KCNT2: variants seen among roughly 807,000 people sequenced by gnomAD.
The protein encoded by KCNT2 is potassium channel subfamily T member 2.
In KCNT2, 67 loss-of-function variants were observed where a neutral mutation model predicts 153.8. The observed-to-expected ratio is 0.44, with a 90% CI of 0.36 to 0.53. The LOEUF is 0.53. Ranked by LOEUF, KCNT2 falls within the 20% of genes least tolerant of loss-of-function variation. The probability of loss-of-function intolerance (pLI) is 0.00; values close to 1 mark genes in which losing one functional copy is unlikely to be tolerated. For missense variants in KCNT2, 975 were observed against 1,354.8 expected (o/e 0.72, Z 4.40); for synonymous variants, 500 against 458.8 (o/e 1.09, Z -1.15).
chr1:196,481,593 C>T (rs867597953), intron 4 of KCNT2, among the ~76,000 whole-genome samples: 3 of 152,224 alleles, frequency 2.0e-5, no homozygotes, highest in African/African-American at 7.2e-5. Context: ...TTCTATTCTT[C>T]CGATTAATTT....
chr1:196,444,864 C>T (rs1164332182), intron 8 of KCNT2, among the ~76,000 whole-genome samples: 2 of 151,230 alleles, frequency 1.3e-5, no homozygotes, highest in Non-Finnish European at 3.0e-5. Flanking sequence ...AATATATTTA[C>T]ACTAAACTAT....
rs568021216 is a variant in KCNT2, at chr1:196,475,608, C to CA, written c.384+3570dup. 2.5e-3 allele frequency among the ~76,000 whole-genome samples: 348 copies of CA among 140,782 alleles called. 3 individuals carry two copies. In the East Asian group the frequency reaches 0.027, roughly 11 times the overall value. The allele number at this position is 140,782 out of a possible 152,430, so 92.4% of individuals were successfully genotyped here. On this transcript the variant is annotated intron_variant, in intron 5 of 27. Transcript: ENST00000294725. ...GAGCAACAGAGTGAGAACCTTGTCT[C>CA]AAAAAAAAAAAATCTAACTTGAAGG...
At chr1:196,407,730 G>T (rs1468188562) in intron 12 of KCNT2, among the ~76,000 whole-genome samples, 2 of 151,414 alleles carry the variant, frequency 1.3e-5, no homozygotes, top group African/African-American at 2.4e-5. Flanking sequence ...AGTGCTCAGT[G>T]ATTGTTTGCT....
chr1:196,437,847 G>T (rs1210684348), intron 8 of KCNT2, among the ~76,000 whole-genome samples: 1 of 151,374 alleles, frequency 6.6e-6, no homozygotes, highest in Non-Finnish European at 1.5e-5. Flanking sequence ...GCCAAGCATT[G>T]TACTGGATGT....
chr1:196,565,691 T>G (rs550813466), intron 1 of KCNT2, among the ~76,000 whole-genome samples: 27 of 151,318 alleles, frequency 1.8e-4, no homozygotes, highest in Admixed American at 1.8e-3. Context: ...CTAGAGGACA[T>G]GATGTTAAGT....
chr1:196,377,821 A>G (rs1669103783), intron 13 of KCNT2, among the ~76,000 whole-genome samples: 1 of 152,124 alleles, frequency 6.6e-6, no homozygotes, highest in African/African-American at 2.4e-5. Flanking sequence ...AGAGGCCTCT[A>G]ATTTAGACTT....
rs1017923926 is a variant in KCNT2 at position 196,450,568 on chromosome 1, C to CT, written c.638+14724dup. ...CCAGATTACAAACCTCAAAGTTATT[C>CT]TTTTTTTTGTCCTCACACCTTATAT... On this transcript the variant is annotated intron_variant, in intron 8 of 27. Transcript: ENST00000294725. Among the ~76,000 whole-genome samples, 7 of 151,704 alleles carry CT rather than the reference C, an allele frequency of 4.6e-5. No homozygotes were observed. In the East Asian group the frequency reaches 1.2e-3, roughly 25 times the overall value.
chr1:196,334,507 A>T (rs1664815756), intron 16 of KCNT2, among the ~76,000 whole-genome samples: 2 of 28,832 alleles, frequency 6.9e-5, no homozygotes, highest in African/African-American at 1.6e-4. Flanking sequence ...TTTAAGACAG[A>T]GTCTCGCTCC....
intron 1 of KCNT2, among the ~76,000 whole-genome samples, chr1:196,525,976 T>C (rs1405233282): frequency 1.3e-5 from 2 of 151,970 alleles, no homozygotes; most frequent in Admixed American, 1.3e-4. Flanking sequence ...TGATGGCAAC[T>C]TTATAGAACA....
At chr1:196,566,567 A>C (rs1395194863) in intron 1 of KCNT2, among the ~76,000 whole-genome samples, 1 of 152,098 alleles carries the variant, frequency 6.6e-6, no homozygotes, top group Non-Finnish European at 1.5e-5. Flanking sequence ...GTGAAGTAGT[A>C]AAAGGTAGAT....
chr1:196,489,444 T>G (rs915220650), intron 3 of KCNT2, among the ~76,000 whole-genome samples: 2 of 151,872 alleles, frequency 1.3e-5, no homozygotes, highest in East Asian at 3.9e-4. Context: ...AAGAAAACTA[T>G]TAAGGGAGTC....
At chr1:196,497,543 C>T (rs1680353740) in intron 1 of KCNT2, among the ~76,000 whole-genome samples, 2 of 152,116 alleles carry the variant, frequency 1.3e-5, no homozygotes, top group South Asian at 4.1e-4. Flanking sequence ...ATATGAGGCA[C>T]TTGAGCATTG....
intron 1 of KCNT2, among the ~76,000 whole-genome samples, chr1:196,519,073 C>A (rs1397689531): frequency 1.3e-5 from 2 of 151,902 alleles, no homozygotes; most frequent in African/African-American, 2.4e-5. Context: ...CCAAAAGAAC[C>A]AAAATCATAC....
intron 14 of KCNT2, among the ~76,000 whole-genome samples, chr1:196,352,408 T>A (rs1666794409): frequency 6.6e-6 from 1 of 152,006 alleles, no homozygotes; most frequent in Non-Finnish European, 1.5e-5. Flanking sequence ...ATTCAGAGAT[T>A]CAACTTCTTC....
chr1:196,333,618 C>T (rs915486921), intron 17 of KCNT2, among the ~76,000 whole-genome samples: 1 of 151,858 alleles, frequency 6.6e-6, no homozygotes, highest in Non-Finnish European at 1.5e-5. Flanking sequence ...CAAAATGAGA[C>T]TGGAAATATA....
chr1:196,484,797 G>A (rs563587534), intron 3 of KCNT2, among the ~76,000 whole-genome samples: 29 of 152,062 alleles, frequency 1.9e-4, no homozygotes, highest in Admixed American at 8.5e-4. Flanking sequence ...TTTTTAAAAA[G>A]TCAAGAAACA....
At chr1:196,297,748 C>G (rs2147946575) in intron 22 of KCNT2, among the ~76,000 whole-genome samples, 1 of 152,182 alleles carries the variant, frequency 6.6e-6, no homozygotes, top group Admixed American at 6.5e-5. Context: ...CAGGTAGCAC[C>G]AAACTCCCAC....
intron 19 of KCNT2, among the ~76,000 whole-genome samples, chr1:196,325,395 G>A (rs1663743696): frequency 6.6e-6 from 1 of 152,080 alleles, no homozygotes; most frequent in Non-Finnish European, 1.5e-5. Context: ...CACTTTCAGG[G>A]CAATGTACTC....
intron 8 of KCNT2, among the ~76,000 whole-genome samples, chr1:196,438,469 C>T (rs924824935): frequency 5.9e-5 from 9 of 151,558 alleles, no homozygotes; most frequent in African/African-American, 1.7e-4. Flanking sequence ...GAAATATGGG[C>T]GATCATAGAA....
Sources: allele counts gnomAD v4.1 joint callset (sites outside exome capture counted in the v4.1 genomes callset), GRCh38; gene constraint gnomAD v4.1.1; transcripts MANE v1.5; gene names NCBI Gene and HGNC (gene_info 2026-07-23, HGNC 2026-07-21).